Variants in CDK13 observed in about 807,000 individuals in gnomAD.
CDK13 encodes cyclin dependent kinase 13, also known as cyclin-dependent kinase 13.
CDK13 carries 40 observed loss-of-function variants against 137.6 expected under a neutral mutation model. The ratio of observed to expected loss-of-function variants is 0.29; its 90% confidence interval spans 0.23 to 0.38. The LOEUF is 0.38. Ranked by LOEUF, CDK13 falls within the 10% of genes least tolerant of loss-of-function variation. The pLI, the probability that CDK13 is intolerant of heterozygous loss-of-function variation, is 1.00. For synonymous variants in CDK13, 869 were observed against 760.1 expected (o/e 1.14, Z -2.36); for missense variants, 1,704 against 1,951.8 (o/e 0.87, Z 2.39).
At chr7:39,982,818 T>C (rs1784257761) in intron 1 of CDK13, among the ~76,000 whole-genome samples, 1 of 152,258 alleles carries the variant, frequency 6.6e-6, no homozygotes, top group African/African-American at 2.4e-5. Context: ...TGTCTTCTTT[T>C]GAGAATTGTC....
intron 9 of CDK13, among the ~76,000 whole-genome samples, chr7:40,068,324 T>A (rs1192375031): frequency 6.6e-6 from 1 of 151,644 alleles, no homozygotes; most frequent in Non-Finnish European, 1.5e-5. Flanking sequence ...TTTTTTTTTT[T>A]AGGAATATGT....
chr7:39,991,260 T>A (rs888015981), intron 2 of CDK13, among the ~76,000 whole-genome samples: 1 of 152,244 alleles, frequency 6.6e-6, no homozygotes, highest in Non-Finnish European at 1.5e-5. Flanking sequence ...GAAACAATCT[T>A]TTCTGTTACA....
At chr7:40,091,142 G>A (rs921524521) in intron 12 of CDK13, among the ~76,000 whole-genome samples, 3 of 151,862 alleles carry the variant, frequency 2.0e-5, no homozygotes, top group Admixed American at 1.3e-4. Context: ...TCAGGAGATC[G>A]AGACCATCCT....
rs1437919857 is a variant in CDK13, at chr7:39,950,376, C to CT, written c.-265dup. The CT allele has an allele frequency of 2.9e-5, 35 of 1,214,068 alleles. No individual in the cohort carries two copies. The highest frequency in any genetic ancestry group is 3.4e-5 in the Non-Finnish European group (33 of 976,954). The allele number at this position is 1,214,068 out of a possible 1,614,324, so 75.2% of individuals were successfully genotyped here. A position where few individuals can be genotyped will look rare whatever the true frequency, so the allele number is the denominator to read the frequency against. ...GCGCCCGGCGCATCTGGTGTTTTCGCTGCCGAGGATAGGACGACGAGCGCA... is the reference window on the plus strand; with the variant it reads ...GCGCCCGGCGCATCTGGTGTTTTCGCTTGCCGAGGATAGGACGACGAGCGCA... On this transcript the variant is annotated 5_prime_UTR_variant, in exon 1 of 14. Transcript: ENST00000181839.
At chr7:40,039,951 G>T (rs1785568781) in intron 5 of CDK13, among the ~76,000 whole-genome samples, 1 of 145,052 alleles carries the variant, frequency 6.9e-6, no homozygotes, top group Non-Finnish European at 1.5e-5. Context: ...GGAATTCTGT[G>T]TTTTTTTAAA....
intron 11 of CDK13, among the ~76,000 whole-genome samples, chr7:40,082,525 C>T (rs1034281197): frequency 2.1e-5 from 3 of 141,568 alleles, no homozygotes; most frequent in African/African-American, 7.6e-5. Flanking sequence ...ATTTAAAGGA[C>T]GGGCACAATG....
At chr7:40,053,210 T>TG (rs1421211476) in intron 7 of CDK13, among the ~76,000 whole-genome samples, 1 of 152,170 alleles carries the variant, frequency 6.6e-6, no homozygotes, top group Admixed American at 6.5e-5. Flanking sequence ...TTCCAATCCT[T>TG]GATCTTTCTT....
chr7:39,976,647 T>C (rs1349365304), intron 1 of CDK13, among the ~76,000 whole-genome samples: 2 of 152,126 alleles, frequency 1.3e-5, no homozygotes, highest in African/African-American at 4.8e-5. Context: ...ACTCTAAATA[T>C]ACTATGTTTT....
chr7:39,969,950 A>G (rs1002165960), intron 1 of CDK13, among the ~76,000 whole-genome samples: 2 of 151,898 alleles, frequency 1.3e-5, no homozygotes, highest in African/African-American at 2.4e-5. Flanking sequence ...TTTCCCTAAC[A>G]GTAATTTCCA....
rs1165528952 is a variant in CDK13, at chr7:40,062,939, T to G, written c.2702+12T>G. The G allele has an allele frequency of 2.5e-6, 4 of 1,606,658 alleles. No homozygotes were observed. Among genetic ancestry groups the G allele is most frequent in the Non-Finnish European group, 3.4e-6 (4 of 1,173,306 alleles). On this transcript the variant is annotated intron_variant, in intron 8 of 13. Transcript: ENST00000181839. ...GTATGGAGCTGTGGGTAAGATAGCC[T>G]TATTTACTGGTTTATTTTACTTGAA...
chr7:39,984,021 TTG>T (rs1489728406), intron 1 of CDK13: 1 of 152,194 alleles, frequency 6.6e-6, no homozygotes, highest in African/African-American at 2.4e-5. Context: ...GATGTTGAAT[TTG>T]TGTTTGAGTT....
Position 40,078,113 on chromosome 7 carries a change from A to C in CDK13, c.2889A>C (p.Glu963Asp). Residue 963 changes from glutamate to aspartate, a missense_variant, in exon 10 of 14, where the codon GAA becomes GAC. Glu to Asp is a conservative substitution (Grantham distance 45, BLOSUM62 2). Transcript: ENST00000181839. The part of the protein sequence containing the change: ...KKQYRRKLRE[E>D]FVFIPAAALD... ...AATATCGTCGAAAGTTAAGAGAAGA[A>C]TTTGTTTTGTAAGAAGGGGATGTGT... The C allele has an allele frequency of 6.4e-7, 1 of 1,552,590 alleles. No homozygotes were observed. Among genetic ancestry groups the C allele is most frequent in the Non-Finnish European group, 8.8e-7 (1 of 1,139,998 alleles).
At chr7:40,053,689 T>G (rs1287732389) in intron 7 of CDK13, among the ~76,000 whole-genome samples, 4 of 152,108 alleles carry the variant, frequency 2.6e-5, no homozygotes, top group African/African-American at 9.7e-5. Context: ...TTTATGTGTT[T>G]AGAGTATATT....
At position 40,003,555 on chromosome 7, in the gene CDK13, C is replaced by T. The variant is rs186230957; in HGVS notation, c.2353+1524C>T. On this transcript the variant is annotated intron_variant, in intron 5 of 13. Coordinates refer to ENST00000181839, the MANE Select transcript of CDK13 (RefSeq NM_003718.5). ...CTTTTAGCCCTTTTGAGTCTGTTAT[C>T]CCTTCATCCATAAAAGGGAAACATT... Among the ~76,000 whole-genome samples the T allele has an allele frequency of 3.6e-4, 55 of 152,178 alleles. No homozygotes were observed. The Middle Eastern group carries it at 0.01, about 28-fold the overall frequency.
At chr7:40,033,035 ATTC>A (rs1383881464) in intron 5 of CDK13, among the ~76,000 whole-genome samples, 15 of 152,226 alleles carry the variant, frequency 9.9e-5, no homozygotes, top group African/African-American at 3.6e-4. Flanking sequence ...ATTTCTCTTC[ATTC>A]TTTTGATTTC....
At chr7:40,003,190 A>T (rs1204552418) in intron 5 of CDK13, among the ~76,000 whole-genome samples, 4 of 98,330 alleles carry the variant, frequency 4.1e-5, no homozygotes, top group African/African-American at 1.5e-4. Flanking sequence ...ACACACACAC[A>T]CACACACACA....
chr7:40,011,705 CT>C (rs34987282), intron 5 of CDK13, among the ~76,000 whole-genome samples: 15,204 of 152,106 alleles, frequency 0.1, 964 homozygotes, highest in Admixed American at 0.13. Flanking sequence ...AGGAGTAAGA[CT>C]TTATGATCTT....
chr7:39,951,569 T>C lies in CDK13; in HGVS notation c.928T>C (p.Tyr310His). Residue 310 changes from tyrosine to histidine, a missense_variant, in exon 1 of 14, where the codon TAC becomes CAC. Coordinates refer to ENST00000181839, the MANE Select transcript of CDK13 (RefSeq NM_003718.5). ...GGAGGACAAGACCGAGCCTAAGGCC[T>C]ACAGGCGGCGGCGGTCCCTCAGCCC... is the stretch of plus-strand genomic sequence containing the variant. ...YREDKTEPKA[Y>H]RRRRSLSPLG... is the part of the protein sequence containing the mutation. The C allele has an allele frequency of 6.6e-7, 1 of 1,520,672 alleles. No individual in the cohort carries two copies. Among genetic ancestry groups the C allele is most frequent in the Non-Finnish European group, 8.8e-7 (1 of 1,136,236 alleles). The allele number at this position is 1,520,672 out of a possible 1,614,324, so 94.2% of individuals were successfully genotyped here.
At chr7:40,085,428 G>A (rs1786767841) in intron 11 of CDK13, among the ~76,000 whole-genome samples, 1 of 151,614 alleles carries the variant, frequency 6.6e-6, no homozygotes, top group African/African-American at 2.4e-5. Flanking sequence ...GGGAACAAAA[G>A]CCCTTTTTAA....
Sources: gnomAD v4.1 joint callset for allele counts (sites outside exome capture counted in the v4.1 genomes callset) on GRCh38, gnomAD v4.1.1 for gene constraint, MANE v1.5 for transcripts, NCBI Gene and HGNC (gene_info 2026-07-23, HGNC 2026-07-21) for gene names.